NCAM1: variants seen among roughly 807,000 people sequenced by gnomAD.
NCAM1 encodes the protein neural cell adhesion molecule 1.
In NCAM1, 14 loss-of-function variants were observed where a neutral mutation model predicts 109.8. That is an observed-to-expected ratio of 0.13 (90% CI 0.08 to 0.20). The LOEUF (loss-of-function observed/expected upper bound fraction) is 0.20. Among genes scored for constraint, NCAM1 ranks in the 10% least tolerant of loss-of-function variants. The pLI, the probability that NCAM1 is intolerant of heterozygous loss-of-function variation, is 1.00. For synonymous variants in NCAM1, 418 were observed against 442.9 expected (o/e 0.94, Z 0.70); for missense variants, 774 against 1,109.9 (o/e 0.70, Z 4.30).
chr11:113,253,740 A>G (rs1206082827), intron 15 of NCAM1, among the ~76,000 whole-genome samples: 1 of 152,198 alleles, frequency 6.6e-6, no homozygotes, highest in Admixed American at 6.5e-5. Flanking sequence ...AGGGCCACTG[A>G]TGCTGCCTAT....
Position 113,273,794 on chromosome 11 carries a change from G to C in NCAM1, c.2457-1473G>C. Reference sequence around the variant, plus strand: ...CTGTCATCGGGTTGTGTCCTGTGGTGGTGTGCATTTGTGCTGTGCTGTGTC... The same window carrying C: ...CTGTCATCGGGTTGTGTCCTGTGGTCGTGTGCATTTGTGCTGTGCTGTGTC... On this transcript the variant is annotated intron_variant, in intron 19 of 19. Coordinates refer to ENST00000316851, the MANE Select transcript of NCAM1 (RefSeq NM_181351.5). This position sits in a 1 kb window ranked among gnomAD's most constrained non-coding sequence, Gnocchi z 6.0. The C allele has an allele frequency of 2.6e-6, 1 of 390,946 alleles. No homozygotes were observed. The highest frequency in any genetic ancestry group is 1.8e-5 in the South Asian group (1 of 54,454). The allele number at this position is 390,946 out of a possible 1,614,324, so 24.2% of individuals were successfully genotyped here. A position where few individuals can be genotyped will look rare whatever the true frequency, so the allele number is the denominator to read the frequency against.
intron 9 of NCAM1, among the ~76,000 whole-genome samples, chr11:113,230,463 G>A (rs549917268): frequency 6.6e-6 from 1 of 152,276 alleles, no homozygotes; most frequent in Non-Finnish European, 1.5e-5. Flanking sequence ...ATGGTCCAAG[G>A]GACTTTTCAT....
At chr11:113,263,903 C>T (rs374341372) in intron 17 of NCAM1, 17 of 985,322 alleles carry the variant, frequency 1.7e-5, no homozygotes, top group African/African-American at 8.7e-5. Flanking sequence ...AAATTGGGGC[C>T]GAGCCAACCT....
At position 113,080,139 on chromosome 11, in the gene NCAM1, G is replaced by A. The variant is rs186241947; in HGVS notation, c.52+118475G>A. ...AAGGCGTGTGAAATTATAGGTTATCGTTTTTTTTCTATCATCCACTTATAT... is the reference window on the plus strand; with the variant it reads ...AAGGCGTGTGAAATTATAGGTTATCATTTTTTTTCTATCATCCACTTATAT... On this transcript the variant is annotated intron_variant, in intron 1 of 19. Coordinates refer to ENST00000316851, the MANE Select transcript of NCAM1 (RefSeq NM_181351.5). 3.3e-5 allele frequency among the ~76,000 whole-genome samples: 5 copies of A among 151,840 alleles called. No homozygotes were observed. The East Asian group carries it at 5.8e-4, about 18-fold the overall frequency.
chr11:112,968,510 T>G (rs558483395), intron 1 of NCAM1, among the ~76,000 whole-genome samples: 2 of 152,202 alleles, frequency 1.3e-5, no homozygotes, highest in Non-Finnish European at 2.9e-5. Context: ...CACTTTGATA[T>G]GTGCTTAATC....
At chr11:113,210,652 G>A (rs1555113514) in intron 7 of NCAM1, among the ~76,000 whole-genome samples, 1 of 151,966 alleles carries the variant, frequency 6.6e-6, no homozygotes, top group Admixed American at 6.6e-5. Flanking sequence ...AGGGCCATGT[G>A]GGACCGTGGT....
chr11:113,051,776 T>C (rs1015489592), intron 1 of NCAM1, among the ~76,000 whole-genome samples: 4 of 152,220 alleles, frequency 2.6e-5, no homozygotes, highest in African/African-American at 9.6e-5. Context: ...GAGCAGTAGT[T>C]TGCTTCAGTT....
chr11:113,214,885 G>C (rs1555114160), intron 8 of NCAM1, among the ~76,000 whole-genome samples: 1 of 152,176 alleles, frequency 6.6e-6, no homozygotes, highest in Non-Finnish European at 1.5e-5. Context: ...CCCTAGGAAA[G>C]ATCTCCCAGA....
intron 9 of NCAM1, 187 bp downstream of exon 9, chr11:113,221,512 G>A (rs1429197646): frequency 5.6e-6 from 3 of 535,802 alleles, no homozygotes; most frequent in Non-Finnish European, 9.8e-6. Flanking sequence ...TGTTGGGAGT[G>A]GATGAACAAA....
chr11:113,119,248 G>A (rs1940844073), intron 1 of NCAM1, among the ~76,000 whole-genome samples: 1 of 152,162 alleles, frequency 6.6e-6, no homozygotes, highest in African/African-American at 2.4e-5. Flanking sequence ...ACAGTTTAGA[G>A]CCCTAGACCT....
chr11:113,230,513 C>T (rs1555117012), intron 9 of NCAM1, among the ~76,000 whole-genome samples: 1 of 152,326 alleles, frequency 6.6e-6, no homozygotes, highest in East Asian at 1.9e-4. Context: ...GCTAGTGATG[C>T]CTTGCTTGTG....
intron 2 of NCAM1, 38 bp from the exon 3 acceptor site, chr11:113,204,248 C>A: frequency 1.9e-6 from 3 of 1,538,882 alleles, no homozygotes; most frequent in East Asian, 2.4e-5. Flanking sequence ...TTAGTCTTTT[C>A]GACTTCAGTA....
At chr11:113,182,201 T>G (rs549505867) in intron 1 of NCAM1, among the ~76,000 whole-genome samples, 8 of 152,298 alleles carry the variant, frequency 5.3e-5, no homozygotes, top group African/African-American at 1.9e-4. Context: ...AGTAAAAGCC[T>G]TGATAGAAGA....
chr11:112,965,721 A>G (rs1254084343), intron 1 of NCAM1, among the ~76,000 whole-genome samples: 2 of 152,216 alleles, frequency 1.3e-5, no homozygotes, highest in Non-Finnish European at 2.9e-5. Context: ...TTTTGTCTTT[A>G]GTATTAAAGA....
chr11:113,062,241 G>A (rs1409106290), intron 1 of NCAM1, among the ~76,000 whole-genome samples: 1 of 152,112 alleles, frequency 6.6e-6, no homozygotes, highest in African/African-American at 2.4e-5. Flanking sequence ...CCATTAAGTG[G>A]TCACTGTCCA....
intron 1 of NCAM1, among the ~76,000 whole-genome samples, chr11:113,183,949 C>G (rs782378560): frequency 6.6e-6 from 1 of 152,176 alleles, no homozygotes; most frequent in Non-Finnish European, 1.5e-5. Flanking sequence ...TACATGTAGG[C>G]AATGTCTAGG....
intron 1 of NCAM1, among the ~76,000 whole-genome samples, chr11:113,073,712 CA>C (rs1215224084): frequency 1.3e-5 from 2 of 152,196 alleles, no homozygotes; most frequent in Non-Finnish European, 2.9e-5. Flanking sequence ...TTTAAATCCG[CA>C]TCACACATTT....
intron 1 of NCAM1, among the ~76,000 whole-genome samples, chr11:113,033,184 C>A (rs989210077): frequency 6.6e-6 from 1 of 152,172 alleles, no homozygotes; most frequent in African/African-American, 2.4e-5. Context: ...GGGTGAGCTG[C>A]GCATCTGAAA....
intron 1 of NCAM1, among the ~76,000 whole-genome samples, chr11:112,989,725 A>T (rs1169589657): frequency 6.6e-6 from 1 of 152,196 alleles, no homozygotes; most frequent in African/African-American, 2.4e-5. Flanking sequence ...CTGCATTTGA[A>T]GGAGCAAACA....
Sources: gnomAD v4.1 joint callset for allele counts (sites outside exome capture counted in the v4.1 genomes callset) on GRCh38, gnomAD v4.1.1 for gene constraint, Gnocchi (gnomAD v3.1) non-coding constraint, MANE v1.5 for transcripts, NCBI Gene and HGNC (gene_info 2026-07-23, HGNC 2026-07-21) for gene names.